Variants in NLRP3 observed in about 807,000 individuals in gnomAD.
NLRP3 encodes NACHT, LRR and PYD domains-containing protein 3.
In NLRP3, 48 loss-of-function variants were observed where a neutral mutation model predicts 91.3. That is an observed-to-expected ratio of 0.53 (90% CI 0.42 to 0.67). The LOEUF is 0.67. Among genes scored for constraint, NLRP3 ranks in the 30% least tolerant of loss-of-function variants. NLRP3 has a pLI of 0.00. For missense variants in NLRP3, 982 were observed against 1,276.9 expected (o/e 0.77, Z 3.52); for synonymous variants, 561 against 507.9 (o/e 1.10, Z -1.41).
chr1:247,429,497 AC>A, intron 4 of NLRP3, 87 bp from the exon 5 acceptor site: 3 of 1,454,264 alleles, frequency 2.1e-6, no homozygotes, highest in Non-Finnish European at 2.9e-6. Context: ...ATTTCTCTGA[AC>A]TGGTGCCAGG....
chr1:247,429,807 G>A, intron 5 of NLRP3, 52 bp downstream of exon 5: 1 of 1,597,838 alleles, frequency 6.3e-7, no homozygotes, highest in Non-Finnish European at 8.6e-7. Flanking sequence ...ATGAGAGAGA[G>A]AGAGAGAAAC....
intron 9 of NLRP3, among the ~76,000 whole-genome samples, chr1:247,446,988 G>A (rs1664624539): frequency 6.6e-6 from 1 of 152,174 alleles, no homozygotes; most frequent in Non-Finnish European, 1.5e-5. Context: ...CAAAGCTGGG[G>A]ACACTGCTAC....
At chr1:247,420,725 A>T (rs546937145) in intron 2 of NLRP3, among the ~76,000 whole-genome samples, 23 of 135,234 alleles carry the variant, frequency 1.7e-4, no homozygotes, top group African/African-American at 3.1e-4. Flanking sequence ...TCAAAAAAAA[A>T]TTTTTTTTTC....
intron 9 of NLRP3, among the ~76,000 whole-genome samples, chr1:247,446,524 A>ACTGTCATCT (rs1553293776): frequency 6.6e-6 from 1 of 152,094 alleles, no homozygotes; most frequent in Non-Finnish European, 1.5e-5. Context: ...TTGCAAGAAC[A>ACTGTCATCT]CTGTCATCTC....
intron 9 of NLRP3, 112 bp from the exon 10 acceptor site, chr1:247,448,292 CA>C: frequency 8.9e-6 from 2 of 225,722 alleles, no homozygotes; most frequent in South Asian, 4.2e-5. Flanking sequence ...TTTTTTTTTA[CA>C]TTTTAGAAGT....
chr1:247,434,291 C>G lies in NLRP3; in HGVS notation c.2492+18C>G, dbSNP rs1663623289. On this transcript the variant is annotated intron_variant, in intron 6 of 9. Coordinates refer to ENST00000336119, the MANE Select transcript of NLRP3 (RefSeq NM_001243133.2). ...AAGCTCTGGTGAGTCGAGCCCGTTC[C>G]CCTAAGGAAGTTCTGCCAGCGAGGC... 1.9e-6 allele frequency: 3 copies of G among 1,613,904 alleles called. No homozygotes were observed. Among genetic ancestry groups the G allele is most frequent in the South Asian group, 2.2e-5 (2 of 91,022 alleles).
chr1:247,436,643 G>A (rs1332058797), intron 7 of NLRP3, among the ~76,000 whole-genome samples: 1 of 152,186 alleles, frequency 6.6e-6, no homozygotes, highest in East Asian at 1.9e-4. Flanking sequence ...AGGCTGGTTT[G>A]TTAGTGTCTG....
Position 247,444,642 on chromosome 1 carries a change from T to A in NLRP3, c.2835-9T>A, listed in dbSNP as rs1664472521. 1.9e-6 allele frequency: 3 copies of A among 1,613,888 alleles called. No homozygotes were observed. Among genetic ancestry groups the A allele is most frequent in the South Asian group, 2.2e-5 (2 of 91,064 alleles). On this transcript the variant is annotated splice_polypyrimidine_tract_variant and intron_variant, in intron 8 of 9. Coordinates refer to ENST00000336119, the MANE Select transcript of NLRP3 (RefSeq NM_001243133.2). ...GGGACATTTTCTTTAAATCACCCCC[T>A]TTTTGCAGATTAGACAACTGCAACC...
At position 247,424,268 on chromosome 1, in the gene NLRP3, G is replaced by T. The variant is rs973331933; in HGVS notation, c.819G>T (p.Leu273=). 1.9e-6 allele frequency: 3 copies of T among 1,614,100 alleles called. No homozygotes were observed. In the Admixed American group the frequency reaches 5.0e-5, roughly 27 times the overall value. The change falls in exon 4 of 10, where the codon CTG becomes CTT. Residue 273 remains leucine, a synonymous_variant. Coordinates refer to ENST00000336119, the MANE Select transcript of NLRP3 (RefSeq NM_001243133.2). The surrounding 1 kb of genome is among the most constrained non-coding windows in gnomAD (Gnocchi z 8.1). ...TGACACAGAGGAGCCTGGGGGACCT[G>T]ATCATGAGCTGCTGCCCCGACCCAA... The part of the protein sequence containing the change: ...SLVTQRSLGD[L]IMSCCPDPNP...
In NLRP3 at chr1:247,424,586, C is replaced by T; in HGVS notation, c.1137C>T (p.Tyr379=). Residue 379 remains tyrosine (Y), a synonymous_variant, in exon 4 of 10, where the codon TAC becomes TAT. Coordinates refer to ENST00000336119, the MANE Select transcript of NLRP3 (RefSeq NM_001243133.2). This position sits in a 1 kb window ranked among gnomAD's most constrained non-coding sequence, Gnocchi z 8.1. Reference sequence around the variant, plus strand: ...TCTCCGAGGCCAAAAGGAAAGAGTACTTCTTCAAGTACTTCTCTGATGAGG... The same window carrying T: ...TCTCCGAGGCCAAAAGGAAAGAGTATTTCTTCAAGTACTTCTCTGATGAGG... The part of the protein sequence containing the change: ...LGFSEAKRKE[Y]FFKYFSDEAQ... 1 of 1,614,248 alleles carries T rather than the reference C, an allele frequency of 6.2e-7. No homozygotes were observed. The highest frequency in any genetic ancestry group is 8.5e-7 in the Non-Finnish European group (1 of 1,180,050).
At position 247,418,796 on chromosome 1, in the gene NLRP3, T is replaced by C. The variant is rs1396973809; in HGVS notation, c.-5T>C. 6.2e-7 allele frequency: 1 copy of C among 1,613,640 alleles called. No homozygotes were observed. The highest frequency in any genetic ancestry group is 8.5e-7 in the Non-Finnish European group (1 of 1,180,032). On this transcript the variant is annotated 5_prime_UTR_variant, in exon 2 of 10. An upstream start codon of the reference 5' UTR is lost. Transcript: ENST00000336119. ...TAAGGACCCTGAAAACAGCTGCAGATGAAGATGGCAAGCACCCGCTGCAAG... is the reference window on the plus strand; with the variant it reads ...TAAGGACCCTGAAAACAGCTGCAGACGAAGATGGCAAGCACCCGCTGCAAG...
chr1:247,421,441 G>A (rs1662450671), intron 2 of NLRP3, among the ~76,000 whole-genome samples: 1 of 152,032 alleles, frequency 6.6e-6, no homozygotes, highest in Non-Finnish European at 1.5e-5. Context: ...AGCAACATAG[G>A]GAGACCTCAT....
At chr1:247,416,692 A>G (rs1662094747) in intron 1 of NLRP3, among the ~76,000 whole-genome samples, 1 of 112,960 alleles carries the variant, frequency 8.9e-6, no homozygotes, top group Non-Finnish European at 1.9e-5. Context: ...AGGAGCTGGG[A>G]GGGTATGCGG....
chr1:247,423,559 G>A (rs907155372), intron 3 of NLRP3, among the ~76,000 whole-genome samples: 17 of 152,122 alleles, frequency 1.1e-4, no homozygotes, highest in Non-Finnish European at 1.6e-4. Flanking sequence ...GTGATTAAGC[G>A]TTTCAAGTTT....
At chr1:247,428,932 G>T in intron 4 of NLRP3, among the ~76,000 whole-genome samples, 1 of 141,630 alleles carries the variant, frequency 7.1e-6, no homozygotes, top group East Asian at 2.0e-4. Flanking sequence ...TTGCTCTGTT[G>T]CCCAGGCTGG....
intron 4 of NLRP3, among the ~76,000 whole-genome samples, chr1:247,427,139 G>T (rs952225132): frequency 1.3e-5 from 2 of 152,152 alleles, no homozygotes; most frequent in African/African-American, 4.8e-5. Flanking sequence ...GGTCGATGGT[G>T]CCTTCTCACT....
intron 6 of NLRP3, among the ~76,000 whole-genome samples, 181 bp downstream of exon 6, chr1:247,434,454 C>G (rs1425097294): frequency 1.3e-5 from 2 of 152,192 alleles, no homozygotes; most frequent in East Asian, 1.9e-4. Flanking sequence ...GTGGGGAAAG[C>G]CACACACTCA....
chr1:247,421,844 A>C (rs1463600303), intron 2 of NLRP3, among the ~76,000 whole-genome samples: 2 of 152,054 alleles, frequency 1.3e-5, no homozygotes, highest in African/African-American at 4.8e-5. Flanking sequence ...TAGGTAATAG[A>C]CTTTGGCTAA....
chr1:247,448,435 A>C lies in NLRP3; in HGVS notation c.3036A>C (p.Thr1012=). Residue 1012 remains threonine (T), a synonymous_variant, in exon 10 of 10, where the codon ACA becomes ACC. Transcript: ENST00000336119. ...GLSEMYFNYE[T]KSALETLQEE... ...CTGAAATGTATTTCAATTATGAGAC[A>C]AAAAGTGCGTTAGAAACACTTCAAG... 6.2e-7 allele frequency: 1 copy of C among 1,612,922 alleles called. No individual in the cohort carries two copies. Among genetic ancestry groups the C allele is most frequent in the Non-Finnish European group, 8.5e-7 (1 of 1,178,908 alleles).
Sources: gnomAD v4.1 joint callset for allele counts (sites outside exome capture counted in the v4.1 genomes callset) on GRCh38, gnomAD v4.1.1 for gene constraint, Gnocchi (gnomAD v3.1) non-coding constraint, MANE v1.5 for transcripts, NCBI Gene and HGNC (gene_info 2026-07-23, HGNC 2026-07-21) for gene names.